AK8: variants seen among roughly 807,000 people sequenced by gnomAD.
AK8 encodes the protein adenylate kinase 8.
A neutral mutation model predicts 54.6 loss-of-function variants in AK8; 44 were observed. That is an observed-to-expected ratio of 0.81 (90% CI 0.63 to 1.04). AK8 has a LOEUF of 1.04. AK8 is among the 50% of genes least tolerant of loss of function. The pLI, the probability that AK8 is intolerant of heterozygous loss-of-function variation, is 0.00. For missense variants in AK8, 555 were observed against 613.6 expected (o/e 0.90, Z 1.01); for synonymous variants, 239 against 245.6 (o/e 0.97, Z 0.25).
intron 11 of AK8, among the ~76,000 whole-genome samples, chr9:132,788,312 C>T (rs1839802204): frequency 6.6e-6 from 1 of 152,208 alleles, no homozygotes; most frequent in African/African-American, 2.4e-5. Context: ...TTAGCCAGAA[C>T]TTAGTGTTGT....
At chr9:132,853,307 G>A (rs1467316264) in intron 5 of AK8, among the ~76,000 whole-genome samples, 3 of 143,208 alleles carry the variant, frequency 2.1e-5, no homozygotes, top group Admixed American at 7.5e-5. Context: ...GCAGTGAGCC[G>A]AGATTATGCC....
intron 8 of AK8, among the ~76,000 whole-genome samples, chr9:132,824,087 C>T (rs1404651001): frequency 1.3e-5 from 2 of 152,122 alleles, no homozygotes; most frequent in South Asian, 2.1e-4. Context: ...TGGGGGGCAC[C>T]GGATGCCAAG....
chr9:132,831,384 C>A (rs1331295861), intron 5 of AK8, among the ~76,000 whole-genome samples: 4 of 152,128 alleles, frequency 2.6e-5, no homozygotes, highest in African/African-American at 7.2e-5. Context: ...TGTCCCTCAG[C>A]AATGTTCACA....
chr9:132,815,299 T>A (rs187607432), intron 9 of AK8, among the ~76,000 whole-genome samples: 2 of 152,358 alleles, frequency 1.3e-5, no homozygotes, highest in Non-Finnish European at 2.9e-5. Flanking sequence ...ACCATGTGGC[T>A]GTAATCCCAG....
intron 8 of AK8, among the ~76,000 whole-genome samples, chr9:132,824,244 G>A (rs1022759597): frequency 6.6e-6 from 1 of 152,212 alleles, no homozygotes; most frequent in Non-Finnish European, 1.5e-5. Flanking sequence ...GATGAGGCAC[G>A]GACCTGTGCC....
chr9:132,866,911 G>A lies in AK8; in HGVS notation c.212C>T (p.Thr71Ile). 1 of 1,613,974 alleles carries A rather than the reference G, an allele frequency of 6.2e-7. No individual in the cohort carries two copies. The highest frequency in any genetic ancestry group is 1.3e-5 in the African/African-American group (1 of 75,012). Residue 71 changes from threonine (T) to isoleucine (I), a missense_variant, in exon 3 of 13, where the codon ACA becomes ATA. Transcript: ENST00000298545. ...VILGPPASGK[T>I]TIAMWLCKHL... ...TTAATATGATACACTTACTATTGTT[G>A]TTTTCCCTGAGGCGGGTGGACCTAA...
intron 5 of AK8, among the ~76,000 whole-genome samples, chr9:132,846,857 G>A (rs1842773493): frequency 6.6e-6 from 1 of 152,234 alleles, no homozygotes; most frequent in Non-Finnish European, 1.5e-5. Context: ...CTCAGGCCCT[G>A]CAGCTACAAC....
At position 132,828,641 on chromosome 9, in the gene AK8, T is replaced by A; in HGVS notation, c.484+4A>T. 6.2e-7 allele frequency: 1 copy of A among 1,610,728 alleles called. No individual in the cohort carries two copies. The highest frequency in any genetic ancestry group is 8.5e-7 in the Non-Finnish European group (1 of 1,178,656). The stretch of plus-strand genomic sequence containing the variant: ...CAGGTGGGGGACCCTTGGGAGCTAC[T>A]CACTGACGTGTCTGGGTGTGATCCC... On this transcript the variant is annotated splice_donor_region_variant and intron_variant, in intron 6 of 12. Coordinates refer to ENST00000298545, the MANE Select transcript of AK8 (RefSeq NM_152572.3).
chr9:132,853,579 T>C (rs1007603222), intron 5 of AK8, among the ~76,000 whole-genome samples: 1 of 151,526 alleles, frequency 6.6e-6, no homozygotes, highest in African/African-American at 2.4e-5. Context: ...GAGGACTGCT[T>C]GAGACCAGAA....
intron 5 of AK8, among the ~76,000 whole-genome samples, chr9:132,842,766 G>A (rs1842596871): frequency 6.6e-6 from 1 of 152,242 alleles, no homozygotes; most frequent in Non-Finnish European, 1.5e-5. Context: ...AGGCTTGACT[G>A]AGGGAGAACC....
At chr9:132,766,183 C>T (rs1838717478) in intron 11 of AK8, among the ~76,000 whole-genome samples, 1 of 152,224 alleles carries the variant, frequency 6.6e-6, no homozygotes, top group African/African-American at 2.4e-5. Flanking sequence ...GTGATCATGG[C>T]AAACTGCAGT....
At position 132,727,458 on chromosome 9, in the gene AK8, C is replaced by T; in HGVS notation, c.1198G>A (p.Glu400Lys). The T allele has an allele frequency of 6.2e-7, 1 of 1,614,090 alleles. No homozygotes were observed. The highest frequency in any genetic ancestry group is 1.1e-5 in the South Asian group (1 of 91,076). The change falls in exon 12 of 13, where the codon GAA becomes AAA. Residue 400 changes from glutamate to lysine, a missense_variant. Coordinates refer to ENST00000298545, the MANE Select transcript of AK8 (RefSeq NM_152572.3). ...CACCAGGAACACAGCACAAACCTTT[C>T]CCCAGTGACTGGATCAATTCTTCTC... ...TLRRIDPVTG[E>K]RYHLMYKPPP...
intron 11 of AK8, among the ~76,000 whole-genome samples, chr9:132,748,823 A>C (rs1837771895): frequency 6.6e-6 from 1 of 151,918 alleles, no homozygotes; most frequent in Admixed American, 6.6e-5. Flanking sequence ...GGTGAAGTAC[A>C]CACTAATTTC....
In AK8 at chr9:132,875,134, C is replaced by T; in HGVS notation, c.150G>A (p.Leu50=). The part of the protein sequence containing the change: ...EDPIPFMIQH[L]HRDNDNVPRI... Reference sequence around the variant, plus strand: ...GCTCACCATTGTCGTTGTCTCTATGCAAGTGCTGGATCATGAAGGGGATGG... The same window carrying T: ...GCTCACCATTGTCGTTGTCTCTATGTAAGTGCTGGATCATGAAGGGGATGG... Residue 50 remains leucine (L), a synonymous_variant, in exon 2 of 13, where the codon TTG becomes TTA. Coordinates refer to ENST00000298545, the MANE Select transcript of AK8 (RefSeq NM_152572.3). The T allele has an allele frequency of 1.9e-6, 3 of 1,614,154 alleles. No homozygotes were observed. Among genetic ancestry groups the T allele is most frequent in the Non-Finnish European group, 2.5e-6 (3 of 1,180,010 alleles).
chr9:132,806,219 C>T (rs890255860), intron 10 of AK8, among the ~76,000 whole-genome samples: 18 of 152,042 alleles, frequency 1.2e-4, no homozygotes, highest in Non-Finnish European at 1.9e-4. Flanking sequence ...TTAAACTCGA[C>T]GGATTCAAAC....
intron 5 of AK8, among the ~76,000 whole-genome samples, chr9:132,849,320 C>G (rs1392278151): frequency 6.6e-6 from 1 of 152,206 alleles, no homozygotes; most frequent in Admixed American, 6.5e-5. Context: ...CGGGCCAAAT[C>G]TGGCCTGCTG....
At position 132,860,018 on chromosome 9, in the gene AK8, T is replaced by G. The variant is rs1189840079; in HGVS notation, c.333+3647A>C. Reference sequence around the variant, plus strand: ...ATTTCGATGGCTCTGACCATGTCCTTGGGTCCCTGATCCCCTCCAGGAAAA... The same window carrying G: ...ATTTCGATGGCTCTGACCATGTCCTGGGGTCCCTGATCCCCTCCAGGAAAA... On this transcript the variant is annotated intron_variant, in intron 4 of 12. Transcript: ENST00000298545. The surrounding 1 kb of genome is among the most constrained non-coding windows in gnomAD (Gnocchi z 4.4). 1.3e-5 allele frequency among the ~76,000 whole-genome samples: 2 copies of G among 152,064 alleles called. No homozygotes were observed. Among genetic ancestry groups the G allele is most frequent in the African/African-American group, 4.8e-5 (2 of 41,408 alleles).
chr9:132,730,663 T>G (rs1297253708), intron 11 of AK8, among the ~76,000 whole-genome samples: 5 of 151,908 alleles, frequency 3.3e-5, no homozygotes, highest in African/African-American at 1.2e-4. Context: ...GTCACTGGAA[T>G]CCACTGCCTT....
At chr9:132,877,198 T>C (rs1844149894) in intron 1 of AK8, among the ~76,000 whole-genome samples, 1 of 152,192 alleles carries the variant, frequency 6.6e-6, no homozygotes, top group Admixed American at 6.5e-5. Flanking sequence ...CTAACCCAGC[T>C]AGCTATTTGA....
Sources: gnomAD v4.1 joint callset for allele counts (sites outside exome capture counted in the v4.1 genomes callset) on GRCh38, gnomAD v4.1.1 for gene constraint, Gnocchi (gnomAD v3.1) non-coding constraint, MANE v1.5 for transcripts, NCBI Gene and HGNC (gene_info 2026-07-23, HGNC 2026-07-21) for gene names.